The following RBFOX1 variants were observed in gnomAD, a reference collection of about 807,000 sequenced individuals.
The protein encoded by RBFOX1 is RNA binding protein fox-1 homolog 1.
In RBFOX1, 8 loss-of-function variants were observed where a neutral mutation model predicts 57.7. The ratio of observed to expected loss-of-function variants is 0.14; its 90% CI spans 0.08 to 0.25. The LOEUF is 0.25. Among genes scored for constraint, RBFOX1 ranks in the 10% least tolerant of loss-of-function variants. The pLI is 1.00. For missense variants in RBFOX1, 611 were observed against 548.5 expected (o/e 1.11, Z -1.14); for synonymous variants, 326 against 222.4 (o/e 1.47, Z -4.15).
chr16:7,095,828 C>T lies in RBFOX1; in HGVS notation c.27+43730C>T, dbSNP rs143711661. On this transcript the variant is annotated intron_variant, in intron 4 of 15. Coordinates refer to ENST00000550418, the MANE Select transcript of RBFOX1 (RefSeq NM_018723.4). Reference sequence around the variant, plus strand: ...GAGATCGAGACCATCCTGGCTAACACGGTGAAACACCTTCTGTACTAAAAA... The same window carrying T: ...GAGATCGAGACCATCCTGGCTAACATGGTGAAACACCTTCTGTACTAAAAA... Among the ~76,000 whole-genome samples the T allele has an allele frequency of 4.6e-3, 694 of 152,012 alleles. 5 individuals carry two copies. The highest frequency in any genetic ancestry group is 0.015 in the African/African-American group (635 of 41,478).
At chr16:7,671,555 A>G in intron 13 of RBFOX1, 1 of 1,608,574 alleles carries the variant, frequency 6.2e-7, no homozygotes, top group Non-Finnish European at 8.5e-7. Flanking sequence ...GTTTCCTTAT[A>G]GAGTAGTGTA....
chr16:7,660,044 C>T (rs554964573), intron 12 of RBFOX1, among the ~76,000 whole-genome samples: 1 of 152,212 alleles, frequency 6.6e-6, no homozygotes, highest in African/African-American at 2.4e-5. Context: ...GAAGGGGCCT[C>T]AGGGTAGAAC....
intron 4 of RBFOX1, among the ~76,000 whole-genome samples, chr16:5,873,178 A>G (rs1185071364): frequency 6.6e-6 from 1 of 152,052 alleles, no homozygotes; most frequent in Admixed American, 6.5e-5. Flanking sequence ...AACAACAACA[A>G]CAACAACAAC....
intron 2 of RBFOX1, among the ~76,000 whole-genome samples, chr16:6,580,331 GA>G (rs2097519063): frequency 6.6e-6 from 1 of 152,090 alleles, no homozygotes; most frequent in South Asian, 2.1e-4. Flanking sequence ...TCAGTTTGCT[GA>G]TAACTATTTC....
intron 4 of RBFOX1, among the ~76,000 whole-genome samples, chr16:7,232,231 C>A (rs2093541572): frequency 6.6e-6 from 1 of 151,982 alleles, no homozygotes; most frequent in African/African-American, 2.4e-5. Context: ...ACCATGTTGG[C>A]CAGGCTGGTC....
chr16:5,353,005 C>A (rs988907182), intron 1 of RBFOX1, among the ~76,000 whole-genome samples: 1 of 152,170 alleles, frequency 6.6e-6, no homozygotes, highest in Non-Finnish European at 1.5e-5. Flanking sequence ...TTTTCTGATA[C>A]TATTCTTTAT....
intron 2 of RBFOX1, among the ~76,000 whole-genome samples, chr16:6,450,750 T>C (rs2094572255): frequency 1.6e-5 from 1 of 63,314 alleles, no homozygotes; most frequent in African/African-American, 5.8e-5. Flanking sequence ...TTTATATATA[T>C]ATACATATAT....
chr16:6,306,030 C>T (rs2079471930), intron 1 of RBFOX1, among the ~76,000 whole-genome samples: 4 of 152,136 alleles, frequency 2.6e-5, no homozygotes, highest in Non-Finnish European at 5.9e-5. Context: ...TTCACTCCTT[C>T]ACTGAGCCCA....
chr16:6,070,292 C>G (rs1376596652), intron 1 of RBFOX1, among the ~76,000 whole-genome samples: 1 of 152,140 alleles, frequency 6.6e-6, no homozygotes, highest in African/African-American at 2.4e-5. Flanking sequence ...TCAGGGAAGA[C>G]GTCATGGGAG....
intron 3 of RBFOX1, among the ~76,000 whole-genome samples, chr16:5,722,167 G>A (rs974280352): frequency 1.3e-5 from 2 of 152,190 alleles, no homozygotes; most frequent in African/African-American, 4.8e-5. Context: ...CCTATAAAAT[G>A]AAAATCAAGT....
chr16:6,313,839 C>T (rs540285272), intron 1 of RBFOX1, among the ~76,000 whole-genome samples: 2 of 148,838 alleles, frequency 1.3e-5, no homozygotes, highest in East Asian at 4.0e-4. Flanking sequence ...AAAAAAATAA[C>T]ACTAAATCAC....
chr16:5,420,933 CTCCCCT>C lies in RBFOX1; in HGVS notation c.220-46279_220-46274del, dbSNP rs796563612. On this transcript the variant is annotated intron_variant, in intron 1 of 2. Transcript: ENST00000585867. ...CCTCCCTCCACCCCTCCTCCTCCCC[CTCCCCT>C]TCCTCCTGCTTTTCCTCCTCCTCCT... is the stretch of plus-strand genomic sequence containing the variant. Among the ~76,000 whole-genome samples, 10 of 135,262 alleles carry C rather than the reference CTCCCCT, an allele frequency of 7.4e-5. 1 individual carries two copies. The highest frequency in any genetic ancestry group is 2.3e-4 in the African/African-American group (8 of 34,776). The allele number at this position is 135,262 out of a possible 152,430, so 88.7% of individuals were successfully genotyped here.
At chr16:6,338,432 G>A (rs536999695) in intron 2 of RBFOX1, among the ~76,000 whole-genome samples, 138 of 152,292 alleles carry the variant, frequency 9.1e-4, no homozygotes, top group African/African-American at 2.9e-3. Context: ...AACTCTGGGC[G>A]TGTGCCTAGA....
chr16:6,371,009 C>T (rs920001436), intron 2 of RBFOX1, among the ~76,000 whole-genome samples: 3 of 152,020 alleles, frequency 2.0e-5, no homozygotes, highest in African/African-American at 7.3e-5. Flanking sequence ...TGCATTTTTG[C>T]CAGGGATACC....
intron 6 of RBFOX1, among the ~76,000 whole-genome samples, chr16:7,581,548 T>G (rs1166675242): frequency 1.3e-5 from 2 of 152,206 alleles, no homozygotes; most frequent in Non-Finnish European, 2.9e-5. Context: ...TGAAAGTTAC[T>G]GCAGGCTACA....
chr16:7,032,796 A>C (rs893179699), intron 3 of RBFOX1, among the ~76,000 whole-genome samples: 1 of 152,096 alleles, frequency 6.6e-6, no homozygotes, highest in South Asian at 2.1e-4. Flanking sequence ...CCTTGGGTCT[A>C]CCTGAACTAA....
chr16:6,046,436 G>A (rs1207734165), intron 1 of RBFOX1, among the ~76,000 whole-genome samples: 6 of 152,176 alleles, frequency 3.9e-5, no homozygotes, highest in Non-Finnish European at 8.8e-5. Context: ...ACAAGTTTGA[G>A]ATGCCTGTTA....
At position 7,209,668 on chromosome 16, in the gene RBFOX1, A is replaced by T. The variant is rs189844982; in HGVS notation, c.27+157570A>T. On this transcript the variant is annotated intron_variant, in intron 4 of 15. Transcript: ENST00000550418. ...GAGCACTTAAGTCGCATTTAAAAAA[A>T]TTTTTAATCCGTATTTGGTTTGCTG... Among the ~76,000 whole-genome samples the T allele has an allele frequency of 8.3e-3, 1,266 of 152,286 alleles. 11 individuals are homozygous for T. The highest frequency in any genetic ancestry group is 0.029 in the African/African-American group (1,197 of 41,560).
At chr16:7,671,578 G>C (rs1197187032) in intron 13 of RBFOX1, 2 of 1,611,882 alleles carry the variant, frequency 1.2e-6, no homozygotes, top group Non-Finnish European at 1.7e-6. Context: ...AAGAGCCTGT[G>C]TATGGCAATA....
Sources: gnomAD v4.1 joint callset for allele counts (sites outside exome capture counted in the v4.1 genomes callset) on GRCh38, gnomAD v4.1.1 for gene constraint, MANE v1.5 for transcripts, NCBI Gene and HGNC (gene_info 2026-07-23, HGNC 2026-07-21) for gene names.